The following TRA2A variants were observed in gnomAD, a reference collection of about 807,000 sequenced individuals.
TRA2A encodes transformer-2 protein homolog alpha.
TRA2A carries 31 observed loss-of-function variants against 45.7 expected under a neutral mutation model. The ratio of observed to expected loss-of-function variants is 0.68; its 90% CI spans 0.51 to 0.92. The LOEUF is 0.92. TRA2A is among the 40% of genes least tolerant of loss of function. TRA2A has a pLI of 0.00. For missense variants in TRA2A, 304 were observed against 367.5 expected (o/e 0.83, Z 1.41); for synonymous variants, 132 against 126.2 (o/e 1.05, Z -0.31).
At chr7:23,515,223 CTTTTTTTTTTTTTTTT>C (rs767953060) in intron 3 of TRA2A, among the ~76,000 whole-genome samples, 1 of 96,798 alleles carries the variant, frequency 1.0e-5, no homozygotes, top group South Asian at 3.6e-4. Context: ...GAACATATTT[CTTTTTTTTTTTTTTTT>C]TTTTTTTTGA....
At position 23,509,681 on chromosome 7, in the gene TRA2A, C is replaced by T. The variant is rs190563905; in HGVS notation, c.526-2146G>A. Among the ~76,000 whole-genome samples, 828 of 149,734 alleles carry T rather than the reference C, an allele frequency of 5.5e-3. 4 individuals are homozygous for T. The highest frequency in any genetic ancestry group is 9.3e-3 in the Non-Finnish European group (623 of 67,298). ...CCGGGAGGCAGAGGTTGCAGTGAGC[C>T]GAGATTGTGCCACTGCCCTCCAGCC... On this transcript the variant is annotated intron_variant, in intron 4 of 7. Coordinates refer to ENST00000297071, the MANE Select transcript of TRA2A (RefSeq NM_013293.5).
chr7:23,514,664 G>A (rs1409150448), intron 3 of TRA2A, among the ~76,000 whole-genome samples: 1 of 151,586 alleles, frequency 6.6e-6, no homozygotes, highest in African/African-American at 2.4e-5. Context: ...GCCTGATCAT[G>A]GCTCACTGCA....
chr7:23,506,257 C>G lies in TRA2A; in HGVS notation c.651G>C (p.Gly217=). The G allele has an allele frequency of 1.2e-6, 2 of 1,605,838 alleles. No individual in the cohort carries two copies. Among genetic ancestry groups the G allele is most frequent in the Non-Finnish European group, 8.5e-7 (1 of 1,175,812 alleles). Residue 217 remains glycine (G), a synonymous_variant, in exon 6 of 8, where the codon GGG becomes GGC. Coordinates refer to ENST00000297071, the MANE Select transcript of TRA2A (RefSeq NM_013293.5). ...IYMGRPTHSG[G]GGGGGGGGGG... ...CACCGCCGCCGCCTCCTCCACCACC[C>G]CCACCACTACTGCAGAAAAATGTAA...
chr7:23,516,147 G>C lies in TRA2A; in HGVS notation c.336+216C>G, dbSNP rs148111074. On this transcript the variant is annotated intron_variant, in intron 3 of 7. Transcript: ENST00000297071. ...AGAGTAAGACTTTGTCTAAAAAAAA[G>C]AAAATATACTTCCTTTGCATTCTTT... Among the ~76,000 whole-genome samples the C allele has an allele frequency of 4.1e-3, 625 of 152,168 alleles. 4 individuals carry two copies. Among genetic ancestry groups the C allele is most frequent in the African/African-American group, 0.014 (593 of 41,542 alleles).
At chr7:23,513,251 T>G (rs924692169) in intron 3 of TRA2A, among the ~76,000 whole-genome samples, 169 bp from the exon 4 acceptor site, 1 of 152,186 alleles carries the variant, frequency 6.6e-6, no homozygotes, top group African/African-American at 2.4e-5. Context: ...ATTTTACAAT[T>G]CACAGTACAC....
At chr7:23,522,222 C>A in intron 1 of TRA2A, 1 of 1,120,242 alleles carries the variant, frequency 8.9e-7, no homozygotes, top group Non-Finnish European at 1.1e-6. Flanking sequence ...TTTCATTTTT[C>A]ATACTTCGTG....
intron 4 of TRA2A, among the ~76,000 whole-genome samples, chr7:23,508,900 C>G (rs1789464591): frequency 6.6e-6 from 1 of 152,196 alleles, no homozygotes; most frequent in African/African-American, 2.4e-5. Context: ...GCATGAGCCG[C>G]CTTGCACAGC....
chr7:23,508,063 ATTC>A (rs999307112), intron 4 of TRA2A, among the ~76,000 whole-genome samples: 3 of 152,074 alleles, frequency 2.0e-5, no homozygotes, highest in African/African-American at 7.2e-5. Context: ...CCCCAATCTT[ATTC>A]TTTAGTTTGC....
intron 4 of TRA2A, among the ~76,000 whole-genome samples, chr7:23,511,630 T>G (rs190442629): frequency 3.3e-5 from 5 of 152,144 alleles, no homozygotes; most frequent in Non-Finnish European, 7.4e-5. Context: ...ACATCAGTAA[T>G]TCTAGCACCT....
chr7:23,505,519 AAGAGG>A lies in TRA2A; in HGVS notation c.*35_*39del. 1 of 528,586 alleles carries A rather than the reference AAGAGG, an allele frequency of 1.9e-6. No individual in the cohort carries two copies. Among genetic ancestry groups the A allele is most frequent in the Non-Finnish European group, 3.4e-6 (1 of 293,654 alleles). 32.7% of individuals were successfully genotyped at this position (528,586 alleles called of 1,614,324 possible). A position where few individuals can be genotyped will look rare whatever the true frequency, so the allele number is the denominator to read the frequency against. The stretch of plus-strand genomic sequence containing the variant: ...CAGAATTAAAAAAAAAAAAAAAAAA[AAGAGG>A]AAAAAAAATGTCCTTAATTGCAACC... On this transcript the variant is annotated 3_prime_UTR_variant, in exon 8 of 8. Transcript: ENST00000297071.
At chr7:23,513,597 G>A (rs531186661) in intron 3 of TRA2A, among the ~76,000 whole-genome samples, 39 of 152,122 alleles carry the variant, frequency 2.6e-4, no homozygotes, top group Non-Finnish European at 4.7e-4. Flanking sequence ...CAGCCTAGGC[G>A]ACAAGAGTGT....
chr7:23,508,088 CTGAT>C (rs1220004244), intron 4 of TRA2A, among the ~76,000 whole-genome samples: 3 of 152,026 alleles, frequency 2.0e-5, no homozygotes, highest in Non-Finnish European at 4.4e-5. Flanking sequence ...GTCTAGTACA[CTGAT>C]TAAGACTCAG....
intron 1 of TRA2A, among the ~76,000 whole-genome samples, chr7:23,523,707 T>C (rs1790228400): frequency 6.6e-6 from 1 of 152,202 alleles, no homozygotes; most frequent in Non-Finnish European, 1.5e-5. Flanking sequence ...TCTCAGATAC[T>C]CTAAACCACT....
At chr7:23,516,262 C>T in intron 3 of TRA2A, 101 bp downstream of exon 3, 1 of 1,133,532 alleles carries the variant, frequency 8.8e-7, no homozygotes, top group East Asian at 2.4e-5. Context: ...TCCAGAGTAT[C>T]ACTTCTAAAC....
chr7:23,515,260 C>T (rs1387657643), intron 3 of TRA2A, among the ~76,000 whole-genome samples: 13 of 129,780 alleles, frequency 1.0e-4, no homozygotes, highest in African/African-American at 3.6e-4. Flanking sequence ...GACGGAGTCT[C>T]GCTCTGTCGC....
Position 23,507,885 on chromosome 7 carries a change from A to G in TRA2A, c.526-350T>C, listed in dbSNP as rs575945565. Among the ~76,000 whole-genome samples, 4 of 152,298 alleles carry G rather than the reference A, an allele frequency of 2.6e-5. No individual in the cohort carries two copies. In the East Asian group the frequency reaches 7.7e-4, roughly 29 times the overall value. ...TTCCCATTCCCCACTCCATGAGATC[A>G]ACAGGGGAGCGGAGACTGAAGTCTT... On this transcript the variant is annotated intron_variant, in intron 4 of 7. Transcript: ENST00000297071.
chr7:23,507,305 G>T, intron 5 of TRA2A, 115 bp downstream of exon 5: 2 of 787,490 alleles, frequency 2.5e-6, no homozygotes, highest in Non-Finnish European at 4.2e-6. Context: ...GTTTTGCCAT[G>T]TTGCCCCTTG....
intron 1 of TRA2A, among the ~76,000 whole-genome samples, chr7:23,529,955 C>A (rs1185527116): frequency 6.7e-6 from 1 of 150,222 alleles, no homozygotes. Context: ...CAATTGTCGG[C>A]AACTTACTCC....
At chr7:23,530,005 C>T (rs1404251373) in intron 1 of TRA2A, among the ~76,000 whole-genome samples, 1 of 151,880 alleles carries the variant, frequency 6.6e-6, no homozygotes, top group Non-Finnish European at 1.5e-5. Flanking sequence ...AGAAAAAAAG[C>T]AAGCAAACAA....
Sources: gnomAD v4.1 joint callset for allele counts (sites outside exome capture counted in the v4.1 genomes callset) on GRCh38, gnomAD v4.1.1 for gene constraint, MANE v1.5 for transcripts, NCBI Gene and HGNC (gene_info 2026-07-23, HGNC 2026-07-21) for gene names.